Variants in ASIC2 observed in about 807,000 individuals in gnomAD.
ASIC2 encodes the protein acid sensing ion channel subunit 2.
Under a neutral mutation model 57.3 loss-of-function variants are expected in ASIC2, and 25 were observed. The observed-to-expected ratio is 0.44, with a 90% CI of 0.32 to 0.61. The LOEUF (loss-of-function observed/expected upper bound fraction) is 0.61, where lower values mean the gene tolerates loss of function less well. ASIC2 is among the 20% of genes least tolerant of loss of function. The pLI is 0.06. For synonymous variants in ASIC2, 319 were observed against 307.5 expected (o/e 1.04, Z -0.39); for missense variants, 641 against 738.1 (o/e 0.87, Z 1.52).
chr17:34,147,420 A>G (rs1159256521), intron 1 of ASIC2, among the ~76,000 whole-genome samples: 1 of 152,254 alleles, frequency 6.6e-6, no homozygotes, highest in African/African-American at 2.4e-5. Context: ...TCAGAAGAAA[A>G]TAAGTACTGG....
chr17:33,497,686 C>A (rs1227153204), intron 1 of ASIC2, among the ~76,000 whole-genome samples: 1 of 152,094 alleles, frequency 6.6e-6, no homozygotes, highest in African/African-American at 2.4e-5. Context: ...TGGCCTATCA[C>A]CCACTTCACA....
chr17:33,300,309 C>CTT (rs111351793), intron 1 of ASIC2, among the ~76,000 whole-genome samples: 7 of 148,934 alleles, frequency 4.7e-5, no homozygotes, highest in Non-Finnish European at 3.0e-5. Context: ...TTCTTCACAC[C>CTT]TTTTTTTTTT....
chr17:33,271,439 T>C (rs1054839541), intron 1 of ASIC2, among the ~76,000 whole-genome samples: 2 of 152,114 alleles, frequency 1.3e-5, no homozygotes, highest in African/African-American at 4.8e-5. Context: ...GTTACTTCAG[T>C]CTCAACAGAC....
At chr17:34,130,311 T>C (rs1274619091) in intron 1 of ASIC2, among the ~76,000 whole-genome samples, 1 of 152,202 alleles carries the variant, frequency 6.6e-6, no homozygotes, top group East Asian at 1.9e-4. Flanking sequence ...CAACCACTGC[T>C]TTCCAGGTGC....
At chr17:33,757,655 A>T (rs2637353) in intron 1 of ASIC2, among the ~76,000 whole-genome samples, 51,675 of 152,124 alleles carry the variant, frequency 0.34, 10,689 homozygotes, top group Non-Finnish European at 0.49. Context: ...GTTTTATAGA[A>T]AACAGGAGTA....
intron 1 of ASIC2, among the ~76,000 whole-genome samples, chr17:34,130,170 G>A (rs900310431): frequency 6.6e-6 from 1 of 152,186 alleles, no homozygotes; most frequent in Non-Finnish European, 1.5e-5. Flanking sequence ...AGAATGCTCT[G>A]ACTGAGCCTG....
At chr17:33,709,433 C>T (rs1230704857) in intron 1 of ASIC2, among the ~76,000 whole-genome samples, 1 of 152,182 alleles carries the variant, frequency 6.6e-6, no homozygotes, top group Non-Finnish European at 1.5e-5. Flanking sequence ...TCACAGGTGG[C>T]CTTTCTAAGA....
chr17:33,681,546 A>G (rs559428396), intron 1 of ASIC2, among the ~76,000 whole-genome samples: 2 of 152,282 alleles, frequency 1.3e-5, no homozygotes, highest in South Asian at 2.1e-4. Context: ...TTCCTGGAGC[A>G]TTTCAAAGAT....
At chr17:33,716,385 A>C (rs540404987) in intron 1 of ASIC2, among the ~76,000 whole-genome samples, 1 of 152,304 alleles carries the variant, frequency 6.6e-6, no homozygotes, top group South Asian at 2.1e-4. Flanking sequence ...TTCCATTCAC[A>C]CTGTAACTGA....
chr17:33,418,837 TA>T (rs1474802575), intron 1 of ASIC2, among the ~76,000 whole-genome samples: 1 of 150,596 alleles, frequency 6.6e-6, no homozygotes, highest in Non-Finnish European at 1.5e-5. Context: ...TCATTCTCAG[TA>T]AACTAACACA....
chr17:33,498,840 G>T (rs574845292), intron 1 of ASIC2, among the ~76,000 whole-genome samples: 2 of 152,190 alleles, frequency 1.3e-5, no homozygotes, highest in Non-Finnish European at 2.9e-5. Flanking sequence ...AGAAGGTGCC[G>T]TTGGACAGGG....
intron 1 of ASIC2, among the ~76,000 whole-genome samples, chr17:33,346,894 G>A (rs192134564): frequency 2.1e-4 from 32 of 152,234 alleles, no homozygotes; most frequent in South Asian, 2.1e-3. Flanking sequence ...AGCCTAGAGC[G>A]GAAAGTGTTC....
At chr17:33,312,163 G>T (rs1906454797) in intron 1 of ASIC2, among the ~76,000 whole-genome samples, 1 of 152,192 alleles carries the variant, frequency 6.6e-6, no homozygotes, top group South Asian at 2.1e-4. Context: ...TGATACTGTA[G>T]ATTTCTGTAA....
chr17:33,247,192 G>C (rs1908720047), intron 1 of ASIC2, among the ~76,000 whole-genome samples: 1 of 152,162 alleles, frequency 6.6e-6, no homozygotes, highest in African/African-American at 2.4e-5. Context: ...ACATGGGGTG[G>C]GTGTTCAGAA....
intron 1 of ASIC2, among the ~76,000 whole-genome samples, chr17:34,097,305 G>A (rs1485839445): frequency 6.6e-6 from 1 of 152,098 alleles, no homozygotes; most frequent in African/African-American, 2.4e-5. Flanking sequence ...GAGAGGCACA[G>A]ACAAGAAGTA....
At chr17:33,825,840 T>C (rs1400346240) in intron 1 of ASIC2, among the ~76,000 whole-genome samples, 1 of 152,244 alleles carries the variant, frequency 6.6e-6, no homozygotes, top group Non-Finnish European at 1.5e-5. Context: ...ATCTTGAAGA[T>C]GTAGTATAGT....
chr17:33,625,120 G>A (rs933574064), intron 1 of ASIC2, among the ~76,000 whole-genome samples: 4 of 120,732 alleles, frequency 3.3e-5, no homozygotes, highest in Non-Finnish European at 7.0e-5. Flanking sequence ...AAGACAATGT[G>A]GCCTCTCTGT....
chr17:34,044,132 A>ACG (rs1908245893), intron 1 of ASIC2, among the ~76,000 whole-genome samples: 1 of 129,566 alleles, frequency 7.7e-6, no homozygotes, highest in Non-Finnish European at 1.7e-5. Context: ...ACACGCACGC[A>ACG]CACACACACA....
At chr17:33,117,092 A>C (rs140414050) in intron 1 of ASIC2, among the ~76,000 whole-genome samples, 1 of 152,208 alleles carries the variant, frequency 6.6e-6, no homozygotes, top group African/African-American at 2.4e-5. Flanking sequence ...GGGCTCAAGC[A>C]ATCATCCCAC....
Sources: allele counts gnomAD v4.1 joint callset (sites outside exome capture counted in the v4.1 genomes callset), GRCh38; gene constraint gnomAD v4.1.1; transcripts MANE v1.5; gene names NCBI Gene and HGNC (gene_info 2026-07-23, HGNC 2026-07-21).